Variants in ANP32B observed in about 807,000 individuals in gnomAD.
ANP32B encodes acidic nuclear phosphoprotein 32 family member B.
A neutral mutation model predicts 32.2 loss-of-function variants in ANP32B; 6 were observed. The observed-to-expected ratio is 0.19, with a 90% CI of 0.10 to 0.37. ANP32B has a LOEUF of 0.37. ANP32B is among the 10% of genes least tolerant of loss of function. ANP32B has a pLI of 1.00. For synonymous variants in ANP32B, 98 were observed against 105.8 expected, an observed-to-expected ratio of 0.93 and a Z score of 0.45; for missense variants, 204 against 289.2, an observed-to-expected ratio of 0.71 and a Z score of 2.14.
Position 98,004,890 on chromosome 9 carries a change from A to T in ANP32B, c.328-74A>T, listed in dbSNP as rs191108624. ...AATTGAATATAGAGCCTAGAATTTTACCTCTTCAAGAGATGGATTTGTTAC... is the reference window on the plus strand; with the variant it reads ...AATTGAATATAGAGCCTAGAATTTTTCCTCTTCAAGAGATGGATTTGTTAC... On this transcript the variant is annotated intron_variant, in intron 3 of 6. Coordinates refer to ENST00000339399, the MANE Select transcript of ANP32B (RefSeq NM_006401.3). 1,071 of 1,213,578 alleles carry T rather than the reference A, an allele frequency of 8.8e-4. 5 individuals carry two copies. In the African/African-American group the frequency reaches 0.013, roughly 15 times the overall value. The allele number at this position is 1,213,578 out of a possible 1,614,324, so 75.2% of individuals were successfully genotyped here.
intron 6 of ANP32B, among the ~76,000 whole-genome samples, chr9:98,014,912 C>G (rs549092629): frequency 1.8e-4 from 27 of 152,302 alleles, no homozygotes; most frequent in Admixed American, 7.2e-4. Context: ...GCCACCATGC[C>G]TGGCTCATTT....
At chr9:98,012,602 C>T in intron 6 of ANP32B, 130 bp downstream of exon 6, 1 of 1,354,166 alleles carries the variant, frequency 7.4e-7, no homozygotes, top group Non-Finnish European at 1.0e-6. Context: ...CATTCACATT[C>T]TCGTTTCTAT....
intron 5 of ANP32B, 114 bp from the exon 6 acceptor site, chr9:98,012,307 C>A: frequency 8.2e-7 from 1 of 1,212,760 alleles, no homozygotes; most frequent in Non-Finnish European, 1.1e-6. Context: ...CAGTTTCCTG[C>A]TTGATTGATA....
At chr9:98,001,833 A>G (rs1159534986) in intron 3 of ANP32B, among the ~76,000 whole-genome samples, 1 of 152,032 alleles carries the variant, frequency 6.6e-6, no homozygotes, top group Non-Finnish European at 1.5e-5. Flanking sequence ...TGCTTTATGC[A>G]TGTTTTATTA....
intron 1 of ANP32B, among the ~76,000 whole-genome samples, chr9:97,986,297 T>C (rs1827733119): frequency 6.6e-6 from 1 of 152,248 alleles, no homozygotes. Flanking sequence ...ATCCACTGGT[T>C]TATTAAGTAA....
chr9:98,014,988 G>T (rs1828250706), intron 6 of ANP32B, among the ~76,000 whole-genome samples: 1 of 152,176 alleles, frequency 6.6e-6, no homozygotes, highest in Non-Finnish European at 1.5e-5. Context: ...CCTGACCTCA[G>T]GTGATCTGCC....
In ANP32B at chr9:98,004,607, A is replaced by G. The variant is rs186315924; in HGVS notation, c.328-357A>G. Among the ~76,000 whole-genome samples, 606 of 152,334 alleles carry G rather than the reference A, an allele frequency of 4.0e-3. 3 individuals carry two copies. The highest frequency in any genetic ancestry group is 0.013 in the African/African-American group (556 of 41,580). On this transcript the variant is annotated intron_variant, in intron 3 of 6. Transcript: ENST00000339399. ...GATACCCAGGAAGTTCTTAATGGCC[A>G]TTTGATTACTCAAATGTTAACATTT... is the stretch of plus-strand genomic sequence containing the variant.
At chr9:98,010,244 A>T (rs1480694530) in intron 4 of ANP32B, among the ~76,000 whole-genome samples, 3 of 148,736 alleles carry the variant, frequency 2.0e-5, no homozygotes, top group Non-Finnish European at 4.4e-5. Context: ...ACCCTCTTGG[A>T]CCTTACAGAG....
At chr9:97,992,005 G>A (rs925818927) in intron 1 of ANP32B, among the ~76,000 whole-genome samples, 15 of 152,172 alleles carry the variant, frequency 9.9e-5, no homozygotes, top group Non-Finnish European at 4.4e-5. Flanking sequence ...TCATTCCGCA[G>A]TTATGTAGGC....
At chr9:97,997,294 C>A (rs1034930367) in intron 2 of ANP32B, among the ~76,000 whole-genome samples, 1 of 152,162 alleles carries the variant, frequency 6.6e-6, no homozygotes, top group African/African-American at 2.4e-5. Flanking sequence ...TGAAATGTTA[C>A]ATTTTCTTCT....
At chr9:97,994,561 A>T (rs2131583983) in intron 1 of ANP32B, 70 bp from the exon 2 acceptor site, 1 of 1,493,258 alleles carries the variant, frequency 6.7e-7, no homozygotes, top group East Asian at 2.3e-5. Context: ...TTTATGGTAG[A>T]AGTTTCTGCA....
chr9:97,992,382 G>A (rs1003513722), intron 1 of ANP32B, among the ~76,000 whole-genome samples: 1 of 152,154 alleles, frequency 6.6e-6, no homozygotes, highest in African/African-American at 2.4e-5. Context: ...GAGCCACCAC[G>A]CCCAGCCAGC....
At chr9:98,001,076 C>T (rs7041878) in intron 3 of ANP32B, among the ~76,000 whole-genome samples, 19,990 of 152,032 alleles carry the variant, frequency 0.13, 1,523 homozygotes, top group South Asian at 0.39. Flanking sequence ...GATGCTTTCC[C>T]GTTCACATGG....
intron 3 of ANP32B, among the ~76,000 whole-genome samples, chr9:98,002,786 A>G (rs1828014936): frequency 2.0e-5 from 3 of 152,250 alleles, no homozygotes; most frequent in Admixed American, 2.0e-4. Context: ...GAAACTAGAT[A>G]GAGAAAGGGC....
chr9:98,011,212 A>C (rs1828177454), intron 4 of ANP32B, 59 bp from the exon 5 acceptor site: 1 of 1,525,176 alleles, frequency 6.6e-7, no homozygotes, highest in Middle Eastern at 1.7e-4. Context: ...GATCCTCAAC[A>C]CTTTGTCCCC....
chr9:97,997,910 A>C (rs1371887230), intron 2 of ANP32B, among the ~76,000 whole-genome samples: 1 of 152,214 alleles, frequency 6.6e-6, no homozygotes, highest in Non-Finnish European at 1.5e-5. Flanking sequence ...CAGCTTAGAA[A>C]TTAGAGTAGG....
In ANP32B at chr9:98,012,539, AAT is replaced by A. The variant is rs1304976534; in HGVS notation, c.688+70_688+71del. The A allele has an allele frequency of 1.0e-5, 16 of 1,594,194 alleles. No individual in the cohort carries two copies. The Admixed American group carries it at 1.7e-4, about 16-fold the overall frequency. On this transcript the variant is annotated intron_variant, in intron 6 of 6. Coordinates refer to ENST00000339399, the MANE Select transcript of ANP32B (RefSeq NM_006401.3). ...TTAGAGAAAAACATCCATTATTTAG[AAT>A]ATGATACCACTGAGAAGAAAATAAA...
At chr9:97,999,829 C>T (rs1445208074) in intron 3 of ANP32B, among the ~76,000 whole-genome samples, 6 of 152,148 alleles carry the variant, frequency 3.9e-5, no homozygotes, top group Non-Finnish European at 8.8e-5. Context: ...GTAGGGCAGC[C>T]CCACAGGCTG....
intron 6 of ANP32B, among the ~76,000 whole-genome samples, chr9:98,014,398 A>G (rs1828239655): frequency 1.3e-5 from 2 of 151,844 alleles, no homozygotes; most frequent in South Asian, 4.2e-4. Flanking sequence ...ACGGAGCCAG[A>G]GTCTGTCTCA....
Sources: gnomAD v4.1 joint callset for allele counts (sites outside exome capture counted in the v4.1 genomes callset) on GRCh38, gnomAD v4.1.1 for gene constraint, MANE v1.5 for transcripts, NCBI Gene and HGNC (gene_info 2026-07-23, HGNC 2026-07-21) for gene names.